The following CNTNAP2 variants were observed in gnomAD, a reference collection of about 807,000 sequenced individuals.
CNTNAP2 encodes the protein contactin-associated protein-like 2.
In CNTNAP2, 98 loss-of-function variants were observed where a neutral mutation model predicts 155.2. The observed-to-expected ratio is 0.63, with a 90% CI of 0.54 to 0.75. CNTNAP2 has a LOEUF of 0.75. Ranked by LOEUF, CNTNAP2 falls within the 30% of genes least tolerant of loss-of-function variation. The probability of loss-of-function intolerance (pLI) is 0.00; values close to 1 mark genes in which losing one functional copy is unlikely to be tolerated. For missense variants in CNTNAP2, 1,727 were observed against 1,688.1 expected, an observed-to-expected ratio of 1.02 and a Z score of -0.40; for synonymous variants, 651 against 631.2, an observed-to-expected ratio of 1.03 and a Z score of -0.47.
At chr7:147,308,455 T>C (rs1421892598) in intron 9 of CNTNAP2, among the ~76,000 whole-genome samples, 1 of 152,152 alleles carries the variant, frequency 6.6e-6, no homozygotes, top group Non-Finnish European at 1.5e-5. Context: ...CAGTAGGTAA[T>C]GATCAATTCT....
intron 21 of CNTNAP2, among the ~76,000 whole-genome samples, chr7:148,381,856 C>T (rs1427584510): frequency 1.3e-4 from 10 of 74,488 alleles, no homozygotes; most frequent in Non-Finnish European, 2.7e-5. Flanking sequence ...AGAGCATCTA[C>T]TTACTGCACA....
chr7:147,444,239 A>T (rs1453771388), intron 10 of CNTNAP2, among the ~76,000 whole-genome samples: 1 of 152,224 alleles, frequency 6.6e-6, no homozygotes, highest in Non-Finnish European at 1.5e-5. Context: ...TTTCCAACAA[A>T]GAAAAACTGT....
chr7:146,501,423 T>G (rs1797298743), intron 1 of CNTNAP2, among the ~76,000 whole-genome samples: 1 of 152,180 alleles, frequency 6.6e-6, no homozygotes, highest in Non-Finnish European at 1.5e-5. Flanking sequence ...ATTTTACCTT[T>G]CTTCTTGAGG....
Position 146,224,446 on chromosome 7 carries a change from C to A in CNTNAP2, c.97+107473C>A, listed in dbSNP as rs1158010775. ...CACAGTGGTTTAAAAAAAAAAAAAACCCAAAAAACTAAGATTTGGGGCCGG... is the reference window on the plus strand; with the variant it reads ...CACAGTGGTTTAAAAAAAAAAAAAAACCAAAAAACTAAGATTTGGGGCCGG... On this transcript the variant is annotated intron_variant, in intron 1 of 23. Transcript: ENST00000361727. Among the ~76,000 whole-genome samples the A allele has an allele frequency of 2.7e-4, 35 of 131,826 alleles. 1 individual carries two copies. The South Asian group carries it at 2.7e-3, about 10-fold the overall frequency. 86.5% of individuals were successfully genotyped at this position (131,826 alleles called of 152,430 possible). A position where few individuals can be genotyped will look rare whatever the true frequency, so the allele number is the denominator to read the frequency against.
intron 1 of CNTNAP2, among the ~76,000 whole-genome samples, chr7:146,477,669 ACACACATCT>A (rs1359975812): frequency 7.0e-6 from 1 of 142,954 alleles, no homozygotes; most frequent in East Asian, 2.0e-4. Context: ...ACACACACAC[ACACACATCT>A]TCTGGATTGT....
chr7:147,860,367 T>C (rs1799113576), intron 13 of CNTNAP2, among the ~76,000 whole-genome samples: 1 of 152,006 alleles, frequency 6.6e-6, no homozygotes, highest in East Asian at 1.9e-4. Flanking sequence ...GAGATTGCAG[T>C]GAGCAGAGAA....
At chr7:147,720,715 G>A (rs1384058616) in intron 13 of CNTNAP2, among the ~76,000 whole-genome samples, 5 of 152,004 alleles carry the variant, frequency 3.3e-5, no homozygotes, top group African/African-American at 9.7e-5. Flanking sequence ...CCTTCCTGCC[G>A]CCTTGCGAAG....
chr7:148,049,613 T>C (rs532516450), intron 15 of CNTNAP2, among the ~76,000 whole-genome samples: 32 of 152,330 alleles, frequency 2.1e-4, no homozygotes, highest in Admixed American at 5.2e-4. Flanking sequence ...ATAGAGGAGC[T>C]GAACATTTCC....
intron 1 of CNTNAP2, among the ~76,000 whole-genome samples, chr7:146,711,226 TATATAC>T (rs1172549237): frequency 1.4e-5 from 2 of 147,546 alleles, no homozygotes; most frequent in South Asian, 2.1e-4. Context: ...ATATATTTTA[TATATAC>T]ATATACATAT....
chr7:146,696,566 C>A (rs1165947337), intron 1 of CNTNAP2, among the ~76,000 whole-genome samples: 2 of 152,042 alleles, frequency 1.3e-5, no homozygotes, highest in African/African-American at 4.8e-5. Flanking sequence ...CTTCTGCTTA[C>A]TTCAGATTTA....
At chr7:146,914,140 T>A (rs988678166) in intron 3 of CNTNAP2, among the ~76,000 whole-genome samples, 3 of 152,190 alleles carry the variant, frequency 2.0e-5, no homozygotes, top group African/African-American at 7.2e-5. Flanking sequence ...TTATGCTTTA[T>A]GGCTCAGTCG....
At chr7:146,764,637 C>T (rs1802164213) in intron 1 of CNTNAP2, among the ~76,000 whole-genome samples, 1 of 152,084 alleles carries the variant, frequency 6.6e-6, no homozygotes, top group South Asian at 2.1e-4. Flanking sequence ...TATGCTACAG[C>T]TGTTAAATGT....
intron 15 of CNTNAP2, among the ~76,000 whole-genome samples, chr7:148,037,241 T>C (rs1308138497): frequency 1.3e-5 from 2 of 152,112 alleles, no homozygotes; most frequent in African/African-American, 4.8e-5. Flanking sequence ...CTTGCTCCCC[T>C]CCCCCATCAT....
intron 13 of CNTNAP2, among the ~76,000 whole-genome samples, chr7:147,654,267 A>G (rs1795492572): frequency 1.3e-5 from 2 of 152,240 alleles, no homozygotes; most frequent in African/African-American, 4.8e-5. Context: ...TATAGTAAAA[A>G]ATTATAATAT....
At position 147,762,786 on chromosome 7, in the gene CNTNAP2, G is replaced by GGA. The variant is rs1229167179; in HGVS notation, c.2098+123481_2098+123482insAG. On this transcript the variant is annotated intron_variant, in intron 13 of 23. Coordinates refer to ENST00000361727, the MANE Select transcript of CNTNAP2 (RefSeq NM_014141.6). ...AGAAAAGGAAGGAAGGAAGGGGAAG[G>GGA]GGAAGAGGAGGAAGGGAAGGAAGGG... 2.7e-3 allele frequency among the ~76,000 whole-genome samples: 372 copies of GGA among 139,732 alleles called. 2 individuals carry two copies. The highest frequency in any genetic ancestry group is 0.011 in the African/African-American group (350 of 32,536). The allele number at this position is 139,732 out of a possible 152,430, so 91.7% of individuals were successfully genotyped here. A position where few individuals can be genotyped will look rare whatever the true frequency, so the allele number is the denominator to read the frequency against.
chr7:148,280,958 A>C (rs900195476), intron 21 of CNTNAP2, among the ~76,000 whole-genome samples: 1 of 152,016 alleles, frequency 6.6e-6, no homozygotes, highest in Non-Finnish European at 1.5e-5. Context: ...CAATAAAAGT[A>C]AAAGAAGACC....
At chr7:148,054,879 ATC>A (rs1222702699) in intron 15 of CNTNAP2, among the ~76,000 whole-genome samples, 2 of 141,998 alleles carry the variant, frequency 1.4e-5, no homozygotes, top group East Asian at 3.9e-4. Flanking sequence ...ATTAATAGGA[ATC>A]TTTTTTTTTT....
At chr7:146,376,810 T>C (rs1366853649) in intron 1 of CNTNAP2, among the ~76,000 whole-genome samples, 3 of 152,146 alleles carry the variant, frequency 2.0e-5, no homozygotes, top group Non-Finnish European at 2.9e-5. Flanking sequence ...ATGAATAGTA[T>C]TAAAATCCTA....
intron 17 of CNTNAP2, 131 bp from the exon 18 acceptor site, chr7:148,172,111 G>T (rs962625755): frequency 3.3e-6 from 3 of 920,546 alleles, no homozygotes; most frequent in Non-Finnish European, 5.3e-6. Context: ...ATTTAGATAG[G>T]ACCAACTTGA....
Sources: allele counts gnomAD v4.1 joint callset (sites outside exome capture counted in the v4.1 genomes callset), GRCh38; gene constraint gnomAD v4.1.1; transcripts MANE v1.5; gene names NCBI Gene and HGNC (gene_info 2026-07-23, HGNC 2026-07-21).